Variants in STAT5A observed in about 807,000 individuals in gnomAD.
STAT5A encodes the protein signal transducer and activator of transcription 5A, also known as epididymis secretory sperm binding protein.
In STAT5A, 26 loss-of-function variants were observed where a neutral mutation model predicts 100.2. That is an observed-to-expected ratio of 0.26 (90% CI 0.19 to 0.36). The LOEUF is 0.36. STAT5A is among the 10% of genes least tolerant of loss of function. STAT5A has a pLI of 1.00. For synonymous variants in STAT5A, 330 were observed against 424.3 expected, an observed-to-expected ratio of 0.78 and a Z score of 2.73; for missense variants, 634 against 1,027.5, an observed-to-expected ratio of 0.62 and a Z score of 5.24.
intron 9 of STAT5A, among the ~76,000 whole-genome samples, chr17:42,303,891 G>T (rs1391580308): frequency 1.3e-5 from 2 of 152,034 alleles, no homozygotes; most frequent in African/African-American, 4.8e-5. Flanking sequence ...GACAGGAAGA[G>T]CAAGGGCCAA....
At chr17:42,290,083 C>A in intron 3 of STAT5A, 61 bp downstream of exon 3, 1 of 1,504,660 alleles carries the variant, frequency 6.6e-7, no homozygotes, top group African/African-American at 1.4e-5. Flanking sequence ...AGCATCAGAA[C>A]CCCTGGGTTT....
chr17:42,304,866 C>T lies in STAT5A; in HGVS notation c.1380+214C>T, dbSNP rs895839602. 1.3e-5 allele frequency among the ~76,000 whole-genome samples: 2 copies of T among 152,198 alleles called. No homozygotes were observed. Among genetic ancestry groups the T allele is most frequent in the Non-Finnish European group, 1.5e-5 (1 of 68,038 alleles). ...GTTTTTGTTTGTTTGCTTGTGCCTA[C>T]ATTTTGCTGGGAGGGGCTTGTGTTT... On this transcript the variant is annotated intron_variant, in intron 11 of 18. Coordinates refer to ENST00000590949, the MANE Select transcript of STAT5A (RefSeq NM_001288718.2). This position sits in a 1 kb window ranked among gnomAD's most constrained non-coding sequence, Gnocchi z 4.8.
Position 42,304,300 on chromosome 17 carries a change from C to A in STAT5A, c.1170-42C>A. 3 of 1,598,864 alleles carry A rather than the reference C, an allele frequency of 1.9e-6. No individual in the cohort carries two copies. Among genetic ancestry groups the A allele is most frequent in the Non-Finnish European group, 2.6e-6 (3 of 1,167,234 alleles). Reference sequence around the variant, plus strand: ...GGTGTGGACAGGACCATGCTCCTGGCCTGGGGCCCATGTGGAGCTGGGACC... The same window carrying A: ...GGTGTGGACAGGACCATGCTCCTGGACTGGGGCCCATGTGGAGCTGGGACC... On this transcript the variant is annotated intron_variant, in intron 9 of 18. Coordinates refer to ENST00000590949, the MANE Select transcript of STAT5A (RefSeq NM_001288718.2). The surrounding 1 kb of genome is among the most constrained non-coding windows in gnomAD (Gnocchi z 4.8).
At chr17:42,305,883 C>G (rs937740152) in intron 12 of STAT5A, among the ~76,000 whole-genome samples, 181 bp downstream of exon 12, 13 of 152,204 alleles carry the variant, frequency 8.5e-5, no homozygotes, top group African/African-American at 3.1e-4. Flanking sequence ...CCTTGGCACT[C>G]TGGGTTCCAG....
chr17:42,310,531 T>C lies in STAT5A; in HGVS notation c.2247T>C (p.Asp749=), dbSNP rs2081069920. The stretch of plus-strand genomic sequence containing the variant: ...GCCCTGACCATGTACTCGATCAGGA[T>C]GGAGAATTCGACCTGGATGAGACCA... ...PQNPDHVLDQ[D]GEFDLDETMD... Residue 749 remains aspartate, a synonymous_variant, in exon 19 of 19, where the codon GAT becomes GAC. Transcript: ENST00000590949. 2.5e-6 allele frequency: 4 copies of C among 1,614,180 alleles called. No homozygotes were observed. Among genetic ancestry groups the C allele is most frequent in the Non-Finnish European group, 3.4e-6 (4 of 1,180,016 alleles).
Position 42,304,147 on chromosome 17 carries a change from T to C in STAT5A, c.1170-195T>C, listed in dbSNP as rs892695187. On this transcript the variant is annotated intron_variant, in intron 9 of 18. Coordinates refer to ENST00000590949, the MANE Select transcript of STAT5A (RefSeq NM_001288718.2). This position sits in a 1 kb window ranked among gnomAD's most constrained non-coding sequence, Gnocchi z 4.8. ...GATCCAGACCTCACCACTGGAGACC[T>C]TGCCTTGGGTGCTGGGCACCAGGTT... The C allele has an allele frequency of 1.7e-6, 1 of 595,998 alleles. No individual in the cohort carries two copies. Among genetic ancestry groups the C allele is most frequent in the Admixed American group, 2.9e-5 (1 of 34,006 alleles). 36.9% of individuals were successfully genotyped at this position (595,998 alleles called of 1,614,324 possible).
chr17:42,298,169 CT>C (rs879476739), intron 5 of STAT5A, among the ~76,000 whole-genome samples: 116 of 146,352 alleles, frequency 7.9e-4, no homozygotes, highest in Admixed American at 8.2e-4. Flanking sequence ...ATAATGGATA[CT>C]TTTTTTTTTT....
chr17:42,299,862 C>T lies in STAT5A; in HGVS notation c.662C>T (p.Thr221Ile). Residue 221 changes from threonine to isoleucine, a missense_variant, in exon 6 of 19, where the codon ACA (threonine) becomes ATA (isoleucine). This residue lies in a region of STAT5A where 31 missense variants were observed against 97.6 expected (regional missense o/e 0.32). Coordinates refer to ENST00000590949, the MANE Select transcript of STAT5A (RefSeq NM_001288718.2). ...LEAWLQREAQ[T>I]LQQYRVELAE... is the part of the protein sequence containing the mutation. ...GCCTGGTTGCAGCGTGAGGCACAGA[C>T]ACTGCAGCAGTACCGCGTGGTGAGT... The T allele has an allele frequency of 1.9e-6, 3 of 1,610,560 alleles. No homozygotes were observed. The highest frequency in any genetic ancestry group is 2.5e-6 in the Non-Finnish European group (3 of 1,179,218).
At chr17:42,301,851 G>T (rs1156234154) in intron 9 of STAT5A, among the ~76,000 whole-genome samples, 1 of 152,172 alleles carries the variant, frequency 6.6e-6, no homozygotes, top group East Asian at 1.9e-4. Context: ...CTCCTACTCA[G>T]ATGCCTTCCC....
At chr17:42,309,332 C>A (rs779178346) in intron 17 of STAT5A, 45 bp from the exon 18 acceptor site, 1 of 1,606,962 alleles carries the variant, frequency 6.2e-7, no homozygotes, top group Admixed American at 1.7e-5. Context: ...AGTCAGCTGC[C>A]CCGGCCTCCC....
At position 42,299,849 on chromosome 17, in the gene STAT5A, C is replaced by T. The variant is rs767141937; in HGVS notation, c.649C>T (p.Arg217Cys). The change falls in exon 6 of 19, where the codon CGT (arginine) becomes TGT (cysteine). Residue 217 changes from arginine to cysteine, a missense_variant. Coordinates refer to ENST00000590949, the MANE Select transcript of STAT5A (RefSeq NM_001288718.2). ...KQVSLEAWLQ[R>C]EAQTLQQYRV... ...GGTGTCTCTGGAGGCCTGGTTGCAG[C>T]GTGAGGCACAGACACTGCAGCAGTA... 5.6e-6 allele frequency: 9 copies of T among 1,611,540 alleles called. No individual in the cohort carries two copies. Among genetic ancestry groups the T allele is most frequent in the Non-Finnish European group, 7.6e-6 (9 of 1,179,426 alleles).
At chr17:42,301,239 C>T (rs748796565) in intron 8 of STAT5A, 36 bp from the exon 9 acceptor site, 5 of 1,602,624 alleles carry the variant, frequency 3.1e-6, no homozygotes, top group Non-Finnish European at 4.3e-6. Context: ...CCTGCGCCAA[C>T]CCCTCATCGT....
Position 42,308,439 on chromosome 17 carries a change from G to A in STAT5A, c.2062+106G>A. The A allele has an allele frequency of 6.6e-7, 1 of 1,524,520 alleles. No individual in the cohort carries two copies. The highest frequency in any genetic ancestry group is 2.3e-5 in the East Asian group (1 of 42,958). The allele number at this position is 1,524,520 out of a possible 1,614,324, so 94.4% of individuals were successfully genotyped here. On this transcript the variant is annotated intron_variant, in intron 16 of 18. Coordinates refer to ENST00000590949, the MANE Select transcript of STAT5A (RefSeq NM_001288718.2). The surrounding 1 kb of genome is among the most constrained non-coding windows in gnomAD (Gnocchi z 4.6). Reference sequence around the variant, plus strand: ...TGGGGACTTCCCCAGGAGGAGCCTAGGGGCCATGTCCCCTGTGGGTTTTGG... The same window carrying A: ...TGGGGACTTCCCCAGGAGGAGCCTAAGGGCCATGTCCCCTGTGGGTTTTGG...
intron 2 of STAT5A, 151 bp from the exon 3 acceptor site, chr17:42,289,715 C>A: frequency 7.3e-7 from 1 of 1,376,552 alleles, no homozygotes; most frequent in Non-Finnish European, 9.6e-7. Flanking sequence ...TGTTTTTAGA[C>A]TCGGATGTCT....
intron 2 of STAT5A, 101 bp from the exon 3 acceptor site, chr17:42,289,764 GC>G (rs2080852139): frequency 7.0e-7 from 1 of 1,427,784 alleles, no homozygotes; most frequent in Non-Finnish European, 9.2e-7. Context: ...GCCCTGGAGT[GC>G]CCTCGGTCAT....
Position 42,304,097 on chromosome 17 carries a change from T to G in STAT5A, c.1170-245T>G. ...GTCCCCAAAGCCCTCACATCAATCT[T>G]GGTATCGAGGAATTTCTAATGATAG... is the stretch of plus-strand genomic sequence containing the variant. On this transcript the variant is annotated intron_variant, in intron 9 of 18. Coordinates refer to ENST00000590949, the MANE Select transcript of STAT5A (RefSeq NM_001288718.2). The surrounding 1 kb of genome is among the most constrained non-coding windows in gnomAD (Gnocchi z 4.8). 1.9e-6 allele frequency: 1 copy of G among 527,098 alleles called. No individual in the cohort carries two copies. The highest frequency in any genetic ancestry group is 3.4e-6 in the Non-Finnish European group (1 of 292,736). 32.7% of individuals were successfully genotyped at this position (527,098 alleles called of 1,614,324 possible). A position where few individuals can be genotyped will look rare whatever the true frequency, so the allele number is the denominator to read the frequency against.
In STAT5A at chr17:42,304,476, G is replaced by C; in HGVS notation, c.1257+47G>C. On this transcript the variant is annotated intron_variant, in intron 10 of 18. Coordinates refer to ENST00000590949, the MANE Select transcript of STAT5A (RefSeq NM_001288718.2). This position sits in a 1 kb window ranked among gnomAD's most constrained non-coding sequence, Gnocchi z 4.8. ...GGAGGGCAGGTCTGCCCAGAGCTGA[G>C]TCCTTGTAAGCAGCCGCCATCTCCC... is the stretch of plus-strand genomic sequence containing the variant. 6.2e-7 allele frequency: 1 copy of C among 1,614,200 alleles called. No homozygotes were observed. The highest frequency in any genetic ancestry group is 8.5e-7 in the Non-Finnish European group (1 of 1,179,990).
At chr17:42,310,016 C>G (rs1487979513) in intron 18 of STAT5A, among the ~76,000 whole-genome samples, 2 of 152,212 alleles carry the variant, frequency 1.3e-5, no homozygotes, top group African/African-American at 4.8e-5. Context: ...CCAGGTGGCC[C>G]AGAGCAAGCT....
chr17:42,304,213 T>C lies in STAT5A; in HGVS notation c.1170-129T>C. On this transcript the variant is annotated intron_variant, in intron 9 of 18. Transcript: ENST00000590949. The surrounding 1 kb of genome is among the most constrained non-coding windows in gnomAD (Gnocchi z 4.8). ...AACCCAGAAAGACGCCAAGAAACAC[T>C]CTTAGGGGATACGGGGCAGGGGCTG... 1 of 830,402 alleles carries C rather than the reference T, an allele frequency of 1.2e-6. No homozygotes were observed. The highest frequency in any genetic ancestry group is 1.9e-6 in the Non-Finnish European group (1 of 517,678). The allele number at this position is 830,402 out of a possible 1,614,324, so 51.4% of individuals were successfully genotyped here.
Sources: allele counts gnomAD v4.1 joint callset (sites outside exome capture counted in the v4.1 genomes callset), GRCh38; gene constraint gnomAD v4.1.1; regional missense constraint gnomAD v4.1.1; non-coding constraint Gnocchi (gnomAD v3.1); transcripts MANE v1.5; gene names NCBI Gene and HGNC (gene_info 2026-07-23, HGNC 2026-07-21).